Variants in GPAM observed in about 807,000 individuals in gnomAD.
GPAM encodes the protein glycerol-3-phosphate acyltransferase 1, mitochondrial.
In GPAM, 56 loss-of-function variants were observed where a neutral mutation model predicts 105.0. The observed-to-expected ratio is 0.53, with a 90% CI of 0.43 to 0.67. The LOEUF (loss-of-function observed/expected upper bound fraction) is 0.67. Among genes scored for constraint, GPAM ranks in the 30% least tolerant of loss-of-function variants. The probability of loss-of-function intolerance (pLI) is 0.00; values close to 1 mark genes in which losing one functional copy is unlikely to be tolerated. For synonymous variants in GPAM, 368 were observed against 354.4 expected, an observed-to-expected ratio of 1.04 and a Z score of -0.43; for missense variants, 855 against 989.8, an observed-to-expected ratio of 0.86 and a Z score of 1.83.
intron 11 of GPAM, among the ~76,000 whole-genome samples, chr10:112,167,815 G>A (rs1277230893): frequency 6.6e-6 from 1 of 152,134 alleles, no homozygotes; most frequent in Non-Finnish European, 1.5e-5. Context: ...CAAGCTACAT[G>A]CCTATGATTT....
chr10:112,217,103 T>A (rs76057674), upstream of GPAM, among the ~76,000 whole-genome samples: 821 of 152,278 alleles, frequency 5.4e-3, 8 homozygotes, highest in African/African-American at 0.019. Flanking sequence ...CAGAATGAAT[T>A]TTAGAACATT....
chr10:112,163,375 C>A (rs528356049), intron 14 of GPAM, among the ~76,000 whole-genome samples: 1 of 152,202 alleles, frequency 6.6e-6, no homozygotes, highest in Non-Finnish European at 1.5e-5. Context: ...TAAATCTAGA[C>A]GTTGTACCAC....
chr10:112,168,857 TG>T lies in GPAM; in HGVS notation c.889del (p.His297MetfsTer4). The T allele has an allele frequency of 6.3e-7, 1 of 1,580,366 alleles. No homozygotes were observed. Among genetic ancestry groups the T allele is most frequent in the Non-Finnish European group, 8.7e-7 (1 of 1,149,132 alleles). On this transcript the variant is annotated frameshift_variant, in exon 10 of 22. Transcript: ENST00000348367. LOFTEE classifies it high-confidence loss of function. ...ATAATTAGAGATCACACATACCCCATGGAGCAAAGCTCTATAGAGAACATCT... is the reference window on the plus strand; with the variant it reads ...ATAATTAGAGATCACACATACCCCATGAGCAAAGCTCTATAGAGAACATCT... ...RKDVLYRALLHGHIVELLRQQ... is the reference protein window; with the variant it reads ...RKDVLYRALLXGHIVELLRQQ...
intron 1 of GPAM, among the ~76,000 whole-genome samples, chr10:112,211,641 G>T (rs1185119226): frequency 6.6e-6 from 1 of 152,124 alleles, no homozygotes; most frequent in African/African-American, 2.4e-5. Flanking sequence ...GTTCCACAAG[G>T]GCACGCAGCT....
upstream of GPAM, among the ~76,000 whole-genome samples, chr10:112,219,143 G>A (rs1034958683): frequency 1.3e-5 from 2 of 152,210 alleles, no homozygotes; most frequent in African/African-American, 2.4e-5. Flanking sequence ...CAAATGTGGT[G>A]ACTGAGAGTG....
intron 18 of GPAM, among the ~76,000 whole-genome samples, chr10:112,157,767 C>A (rs1847043985): frequency 6.6e-6 from 1 of 152,326 alleles, no homozygotes; most frequent in Admixed American, 6.5e-5. Flanking sequence ...AACGTCTCAA[C>A]TTAGCATACA....
chr10:112,156,494 C>T (rs986791919), intron 19 of GPAM: 2 of 262,612 alleles, frequency 7.6e-6, no homozygotes, highest in Non-Finnish European at 1.5e-5. Context: ...TCCCTGCCTC[C>T]CCTAAATGGC....
At chr10:112,178,765 A>G (rs1847453159) in intron 4 of GPAM, among the ~76,000 whole-genome samples, 1 of 152,190 alleles carries the variant, frequency 6.6e-6, no homozygotes, top group African/African-American at 2.4e-5. Context: ...CCCTGACACA[A>G]AAGAGTTATC....
the GPAM span, among the ~76,000 whole-genome samples, chr10:112,226,268 T>C: frequency 1.3e-5 from 2 of 152,204 alleles, no homozygotes; most frequent in Admixed American, 6.5e-5. Flanking sequence ...GCATGTGATA[T>C]GTGCTTTTCT....
chr10:112,167,610 G>A (rs74156591), intron 11 of GPAM, among the ~76,000 whole-genome samples: 1,573 of 152,226 alleles, frequency 0.01, 27 homozygotes, highest in African/African-American at 0.036. Context: ...AACCAGATGC[G>A]TACAGACCAC....
rs1317526769 is a variant in GPAM at position 112,151,110 on chromosome 10, ATTGT to A, written c.*2436_*2439del. The stretch of plus-strand genomic sequence containing the variant: ...AGACTGCAGTTTCATGTTGTTTAAT[ATTGT>A]TTTTTTTTTTTAACTTGACCACAGT... On this transcript the variant is annotated 3_prime_UTR_variant, in exon 22 of 22. Coordinates refer to ENST00000348367, the MANE Select transcript of GPAM (RefSeq NM_001244949.2). 2.1e-6 allele frequency: 2 copies of A among 971,558 alleles called. No individual in the cohort carries two copies. The highest frequency in any genetic ancestry group is 1.2e-6 in the Non-Finnish European group (1 of 818,594). 60.2% of individuals were successfully genotyped at this position (971,558 alleles called of 1,614,324 possible). A position where few individuals can be genotyped will look rare whatever the true frequency, so the allele number is the denominator to read the frequency against.
At chr10:112,223,488 C>T in the GPAM span, among the ~76,000 whole-genome samples, 1 of 152,222 alleles carries the variant, frequency 6.6e-6, no homozygotes, top group Non-Finnish European at 1.5e-5. Flanking sequence ...TTTGAAGTCA[C>T]ATGTTGCAGT....
the GPAM span, among the ~76,000 whole-genome samples, chr10:112,224,148 T>C: frequency 6.6e-6 from 1 of 152,286 alleles, no homozygotes; most frequent in African/African-American, 2.4e-5. Flanking sequence ...CTGAGACCAA[T>C]TATTCAGTAA....
intron 1 of GPAM, among the ~76,000 whole-genome samples, chr10:112,207,139 G>A (rs1847861178): frequency 6.6e-6 from 1 of 152,232 alleles, no homozygotes. Flanking sequence ...TAAATGTCTG[G>A]AGATATATTT....
chr10:112,178,551 AAAAAAC>A (rs936759805), intron 4 of GPAM, among the ~76,000 whole-genome samples: 3 of 128,442 alleles, frequency 2.3e-5, no homozygotes, highest in African/African-American at 8.7e-5. Flanking sequence ...CTCCATCTCA[AAAAAAC>A]AAAAACAAAA....
Position 112,151,730 on chromosome 10 carries a change from C to A in GPAM, c.*1820G>T. 1.0e-6 allele frequency: 1 copy of A among 985,104 alleles called. No homozygotes were observed. Among genetic ancestry groups the A allele is most frequent in the Non-Finnish European group, 1.2e-6 (1 of 829,744 alleles). 61.0% of individuals were successfully genotyped at this position (985,104 alleles called of 1,614,324 possible). On this transcript the variant is annotated 3_prime_UTR_variant, in exon 22 of 22. Transcript: ENST00000348367. ...GTGAGCTTGAGTAATCCTTAATTTA[C>A]AATTTAAAGGATGAAAAAAAGAGAC...
chr10:112,189,864 T>C (rs1345506013), intron 1 of GPAM, among the ~76,000 whole-genome samples: 4 of 152,188 alleles, frequency 2.6e-5, no homozygotes, highest in Non-Finnish European at 5.9e-5. Context: ...GCCATTACAA[T>C]GTTGTCTTCT....
At chr10:112,225,703 C>A in the GPAM span, among the ~76,000 whole-genome samples, 1 of 152,182 alleles carries the variant, frequency 6.6e-6, no homozygotes, top group Admixed American at 6.5e-5. Flanking sequence ...CACCACCACC[C>A]AGCATCTCTG....
At chr10:112,155,830 A>AT in intron 20 of GPAM, 34 bp downstream of exon 20, 5 of 1,370,142 alleles carry the variant, frequency 3.6e-6, no homozygotes, top group Non-Finnish European at 5.1e-6. Flanking sequence ...AAAAAAAAAA[A>AT]GATTTTAAAA....
Sources: gnomAD v4.1 joint callset for allele counts (sites outside exome capture counted in the v4.1 genomes callset) on GRCh38, gnomAD v4.1.1 for gene constraint, MANE v1.5 for transcripts, NCBI Gene and HGNC (gene_info 2026-07-23, HGNC 2026-07-21) for gene names.